The following RBFOX1 variants were observed in gnomAD, a reference collection of about 807,000 sequenced individuals.
The protein encoded by RBFOX1 is RNA binding fox-1 homolog 1.
A neutral mutation model predicts 57.7 loss-of-function variants in RBFOX1; 8 were observed. That is an observed-to-expected ratio of 0.14 (90% CI 0.08 to 0.25). The LOEUF is 0.25. RBFOX1 is among the 10% of genes least tolerant of loss of function. The pLI is 1.00. For missense variants in RBFOX1, 611 were observed against 548.5 expected (o/e 1.11, Z -1.14); for synonymous variants, 326 against 222.4 (o/e 1.47, Z -4.15).
At chr16:6,689,204 C>T (rs2059873510) in intron 3 of RBFOX1, among the ~76,000 whole-genome samples, 1 of 152,084 alleles carries the variant, frequency 6.6e-6, no homozygotes, top group South Asian at 2.1e-4. Flanking sequence ...AGCTTATCCT[C>T]TAAGGCTGAT....
intron 2 of RBFOX1, among the ~76,000 whole-genome samples, chr16:5,582,302 G>A (rs1455651232): frequency 4.6e-5 from 7 of 152,176 alleles, no homozygotes; most frequent in Admixed American, 4.6e-4. Flanking sequence ...GAGTTAAAGA[G>A]TGCAGTGACA....
intron 2 of RBFOX1, among the ~76,000 whole-genome samples, chr16:6,627,351 C>G (rs139389542): frequency 9.0e-4 from 137 of 152,138 alleles, no homozygotes; most frequent in Non-Finnish European, 1.6e-3. Context: ...ACATACGGAT[C>G]AAAAGCAAAA....
At chr16:5,828,788 A>C (rs2056165101) in intron 3 of RBFOX1, among the ~76,000 whole-genome samples, 1 of 152,286 alleles carries the variant, frequency 6.6e-6, no homozygotes, top group African/African-American at 2.4e-5. Flanking sequence ...TGGGCAAGGA[A>C]GAGTATGGTG....
At chr16:7,574,229 G>A (rs1433349571) in intron 5 of RBFOX1, among the ~76,000 whole-genome samples, 2 of 152,184 alleles carry the variant, frequency 1.3e-5, no homozygotes, top group East Asian at 1.9e-4. Flanking sequence ...GAAGGCCACT[G>A]GGGAGAGTGG....
chr16:5,873,848 G>C (rs2057539392), intron 4 of RBFOX1, among the ~76,000 whole-genome samples: 1 of 152,190 alleles, frequency 6.6e-6, no homozygotes, highest in African/African-American at 2.4e-5. Context: ...GTAGTATGCA[G>C]ACTGGAGCTT....
At chr16:5,257,329 G>A (rs2062613524) in intron 1 of RBFOX1, among the ~76,000 whole-genome samples, 1 of 152,142 alleles carries the variant, frequency 6.6e-6, no homozygotes, top group Non-Finnish European at 1.5e-5. Flanking sequence ...CAGAGATTTG[G>A]GCAGGTTTTG....
At chr16:7,121,577 A>C (rs1194591066) in intron 4 of RBFOX1, among the ~76,000 whole-genome samples, 1 of 152,086 alleles carries the variant, frequency 6.6e-6, no homozygotes, top group Non-Finnish European at 1.5e-5. Context: ...AAATCTAAAT[A>C]TATACATAGA....
intron 3 of RBFOX1, among the ~76,000 whole-genome samples, chr16:5,842,959 C>T (rs376972090): frequency 4.6e-5 from 7 of 152,212 alleles, no homozygotes; most frequent in East Asian, 1.9e-4. Flanking sequence ...GCTGGGATTA[C>T]GGGCATGTGC....
At chr16:7,124,518 TCC>T (rs2067960508) in intron 4 of RBFOX1, among the ~76,000 whole-genome samples, 7 of 27,196 alleles carry the variant, frequency 2.6e-4, no homozygotes, top group African/African-American at 5.4e-4. Context: ...TCCCCTCCCC[TCC>T]CCTCCCCTCC....
intron 1 of RBFOX1, among the ~76,000 whole-genome samples, chr16:5,342,143 C>G (rs1567358822): frequency 6.6e-6 from 1 of 152,208 alleles, no homozygotes; most frequent in East Asian, 1.9e-4. Context: ...TTTCCACCTT[C>G]TAATTGCTTT....
At chr16:7,034,694 C>T (rs1278800473) in intron 3 of RBFOX1, among the ~76,000 whole-genome samples, 1 of 151,756 alleles carries the variant, frequency 6.6e-6, no homozygotes, top group Non-Finnish European at 1.5e-5. Context: ...GAGACATTCG[C>T]CTTTCAGTGA....
intron 1 of RBFOX1, among the ~76,000 whole-genome samples, chr16:5,429,059 C>T (rs1378989112): frequency 1.3e-5 from 2 of 152,116 alleles, no homozygotes; most frequent in Non-Finnish European, 2.9e-5. Flanking sequence ...CTCTCCTGGC[C>T]CTCTGGTGGC....
At chr16:7,631,115 G>C (rs2060881857) in intron 11 of RBFOX1, among the ~76,000 whole-genome samples, 1 of 152,208 alleles carries the variant, frequency 6.6e-6, no homozygotes, top group Non-Finnish European at 1.5e-5. Flanking sequence ...CTAGCCTGCA[G>C]CTAGTCACTT....
chr16:6,788,645 G>A (rs1286922461), intron 3 of RBFOX1, among the ~76,000 whole-genome samples: 1 of 151,444 alleles, frequency 6.6e-6, no homozygotes, highest in Non-Finnish European at 1.5e-5. Context: ...CCAGCTGATT[G>A]TTTGTATTTT....
intron 1 of RBFOX1, among the ~76,000 whole-genome samples, chr16:6,044,662 A>G (rs918623585): frequency 6.6e-6 from 1 of 152,092 alleles, no homozygotes. Context: ...CTTCCTTTAT[A>G]TTTTTTATTT....
intron 3 of RBFOX1, among the ~76,000 whole-genome samples, chr16:5,857,239 G>T (rs7200999): frequency 0.33 from 50,702 of 151,910 alleles, 8,731 homozygotes; most frequent in Non-Finnish European, 0.38. Context: ...CATTTATCAG[G>T]TAAACCTCCC....
intron 3 of RBFOX1, among the ~76,000 whole-genome samples, chr16:6,700,346 C>G (rs2061640949): frequency 1.6e-5 from 2 of 125,270 alleles, no homozygotes; most frequent in African/African-American, 5.2e-5. Flanking sequence ...GCACCATAGG[C>G]AAGGTTAAAA....
intron 1 of RBFOX1, among the ~76,000 whole-genome samples, chr16:6,311,610 G>T (rs184875121): frequency 6.6e-6 from 1 of 152,188 alleles, no homozygotes; most frequent in African/African-American, 2.4e-5. Context: ...GTAACATTAC[G>T]TATTGCTTCT....
At chr16:7,607,892 T>A (rs1325367505) in intron 10 of RBFOX1, among the ~76,000 whole-genome samples, 5 of 152,198 alleles carry the variant, frequency 3.3e-5, no homozygotes, top group Non-Finnish European at 5.9e-5. Flanking sequence ...CCAGAATATG[T>A]CTCTCTCCTC....
Sources: allele counts gnomAD v4.1 joint callset (sites outside exome capture counted in the v4.1 genomes callset), GRCh38; gene constraint gnomAD v4.1.1; transcripts MANE v1.5; gene names NCBI Gene and HGNC (gene_info 2026-07-23, HGNC 2026-07-21).